The following FNDC1 variants were observed in gnomAD, a reference collection of about 807,000 sequenced individuals.
FNDC1 encodes fibronectin type III domain containing 1.
A neutral mutation model predicts 168.0 loss-of-function variants in FNDC1; 96 were observed. That is an observed-to-expected ratio of 0.57 (90% CI 0.48 to 0.68). The LOEUF (loss-of-function observed/expected upper bound fraction) is 0.68. Among genes scored for constraint, FNDC1 ranks in the 30% least tolerant of loss-of-function variants. The pLI is 0.00. For missense variants in FNDC1, 2,587 were observed against 2,482.1 expected (o/e 1.04, Z -0.90); for synonymous variants, 1,099 against 1,025.9 (o/e 1.07, Z -1.36).
Position 159,232,435 on chromosome 6 carries a change from C to T in FNDC1, c.1923C>T (p.Asp641=). ...HRPSLPASLN[D]NDLVDSDEDE... ...CTTCCCTGCCTGCCAGCTTGAATGA[C>T]AACGACTTGGTGGACTCAGACGAAG... Residue 641 remains aspartate (D), a synonymous_variant, in exon 11 of 23, where the codon GAC becomes GAT. Coordinates refer to ENST00000297267, the MANE Select transcript of FNDC1 (RefSeq NM_032532.3). This position sits in a 1 kb window ranked among gnomAD's most constrained non-coding sequence, Gnocchi z 4.9. The T allele has an allele frequency of 3.1e-6, 5 of 1,611,922 alleles. No homozygotes were observed. Among genetic ancestry groups the T allele is most frequent in the Non-Finnish European group, 4.2e-6 (5 of 1,178,538 alleles).
At chr6:159,230,072 G>T in intron 10 of FNDC1, 69 bp downstream of exon 10, 1 of 1,445,520 alleles carries the variant, frequency 6.9e-7, no homozygotes, top group South Asian at 1.4e-5. Context: ...GTGTTCCTTT[G>T]AATCATGCTC....
intron 1 of FNDC1, among the ~76,000 whole-genome samples, chr6:159,180,791 G>A (rs1414943392): frequency 3.3e-5 from 5 of 152,068 alleles, no homozygotes; most frequent in Non-Finnish European, 7.4e-5. Context: ...CATTATCCAA[G>A]TCCCTGTAAA....
intron 1 of FNDC1, among the ~76,000 whole-genome samples, chr6:159,174,418 G>A (rs567664662): frequency 6.6e-6 from 1 of 152,266 alleles, no homozygotes; most frequent in African/African-American, 2.4e-5. Flanking sequence ...GGCCCGGCCT[G>A]GGCAGCGCTT....
intron 9 of FNDC1, among the ~76,000 whole-genome samples, chr6:159,227,318 A>T (rs1437575966): frequency 6.6e-6 from 1 of 152,238 alleles, no homozygotes; most frequent in Non-Finnish European, 1.5e-5. Flanking sequence ...GTAGGAAGGA[A>T]TGGAGGTTTT....
chr6:159,253,439 G>A (rs1433337905), intron 17 of FNDC1, among the ~76,000 whole-genome samples: 1 of 152,140 alleles, frequency 6.6e-6, no homozygotes, highest in Non-Finnish European at 1.5e-5. Flanking sequence ...CCCCTGCAGG[G>A]CATTTGAATC....
Position 159,249,192 on chromosome 6 carries a change from A to G in FNDC1, c.4834+10A>G. The G allele has an allele frequency of 1.2e-6, 2 of 1,605,810 alleles. No individual in the cohort carries two copies. The highest frequency in any genetic ancestry group is 8.5e-7 in the Non-Finnish European group (1 of 1,176,620). On this transcript the variant is annotated intron_variant, in intron 16 of 22. Coordinates refer to ENST00000297267, the MANE Select transcript of FNDC1 (RefSeq NM_032532.3). Reference sequence around the variant, plus strand: ...AGGAAACGATTTGTTGGTAAATATAATGTCCTTAATCAGAGAAACATGGGT... The same window carrying G: ...AGGAAACGATTTGTTGGTAAATATAGTGTCCTTAATCAGAGAAACATGGGT...
chr6:159,268,131 G>T (rs1368753536), intron 22 of FNDC1, among the ~76,000 whole-genome samples: 1 of 152,044 alleles, frequency 6.6e-6, no homozygotes, highest in African/African-American at 2.4e-5. Context: ...TCAAGGAGGT[G>T]GGGAACGGCA....
chr6:159,194,589 C>T (rs1168333808), intron 1 of FNDC1, among the ~76,000 whole-genome samples: 2 of 152,232 alleles, frequency 1.3e-5, no homozygotes, highest in East Asian at 1.9e-4. Context: ...CAACAGAGCC[C>T]GAAGCCACAT....
intron 1 of FNDC1, among the ~76,000 whole-genome samples, chr6:159,191,818 A>G (rs907662516): frequency 6.6e-6 from 1 of 152,234 alleles, no homozygotes; most frequent in Non-Finnish European, 1.5e-5. Flanking sequence ...ATTCAAGGGA[A>G]TTATGCCTGA....
chr6:159,252,995 A>T (rs1371609240), intron 17 of FNDC1, among the ~76,000 whole-genome samples: 1 of 152,156 alleles, frequency 6.6e-6, no homozygotes, highest in Non-Finnish European at 1.5e-5. Context: ...CTGAGACTTA[A>T]TTTAGATGTG....
intron 13 of FNDC1, among the ~76,000 whole-genome samples, 155 bp from the exon 14 acceptor site, chr6:159,239,362 G>A (rs369769112): frequency 4.6e-5 from 7 of 152,158 alleles, no homozygotes; most frequent in African/African-American, 9.7e-5. Context: ...TCTCAGGATC[G>A]TGGAGCATAC....
chr6:159,231,874 T>C lies in FNDC1; in HGVS notation c.1370-8T>C. On this transcript the variant is annotated splice_region_variant and splice_polypyrimidine_tract_variant and intron_variant, in intron 10 of 22. Transcript: ENST00000297267. ...CTTTGACAGGCAATTCTTTAAAATC[T>C]GTTGCAGCCAGTAAGGCGGATGTTG... is the stretch of plus-strand genomic sequence containing the variant. 1 of 1,573,456 alleles carries C rather than the reference T, an allele frequency of 6.4e-7. No individual in the cohort carries two copies. Among genetic ancestry groups the C allele is most frequent in the Non-Finnish European group, 8.6e-7 (1 of 1,165,312 alleles).
chr6:159,270,286 G>A (rs533812874), intron 22 of FNDC1, among the ~76,000 whole-genome samples: 63 of 152,248 alleles, frequency 4.1e-4, no homozygotes, highest in African/African-American at 1.4e-3. Flanking sequence ...CCAAAATAAA[G>A]AAAAGAAATA....
rs1475634893 is a variant in FNDC1, at chr6:159,225,638, G to A, written c.988G>A (p.Val330Met). The change falls in exon 8 of 23, where the codon GTG (valine) becomes ATG (methionine). Residue 330 changes from valine to methionine, a missense_variant. Coordinates refer to ENST00000297267, the MANE Select transcript of FNDC1 (RefSeq NM_032532.3). ...GATTGAGAACCTGATTCCAGACACTGTGTATGAATTTGCAGTCCGTATTTC... is the reference window on the plus strand; with the variant it reads ...GATTGAGAACCTGATTCCAGACACTATGTATGAATTTGCAGTCCGTATTTC... Reference protein sequence around the residue: ...VLIENLIPDTVYEFAVRISQG... With the variant: ...VLIENLIPDTMYEFAVRISQG... The A allele has an allele frequency of 6.2e-7, 1 of 1,613,872 alleles. No homozygotes were observed. Among genetic ancestry groups the A allele is most frequent in the East Asian group, 2.2e-5 (1 of 44,890 alleles).
chr6:159,223,359 T>C (rs976859516), intron 6 of FNDC1, among the ~76,000 whole-genome samples, 169 bp from the exon 7 acceptor site: 4 of 152,222 alleles, frequency 2.6e-5, no homozygotes, highest in Non-Finnish European at 4.4e-5. Context: ...TTTTCTACAC[T>C]GACCAATCCA....
Position 159,214,952 on chromosome 6 carries a change from A to G in FNDC1, c.468A>G (p.Glu156=), listed in dbSNP as rs774141497. 3.7e-6 allele frequency: 6 copies of G among 1,613,790 alleles called. No homozygotes were observed. In the Admixed American group the frequency reaches 5.0e-5, roughly 13 times the overall value. Residue 156 remains glutamate, a synonymous_variant, in exon 5 of 23, where the codon GAA becomes GAG. Transcript: ENST00000297267. ...GPFNETVTEK[E]VPNKPLRVRV... Reference sequence around the variant, plus strand: ...TGTCCTGCCCTCTTTAAGAAAAGGAAGTGCCCAACAAGCCCTTGCGTGTGC... The same window carrying G: ...TGTCCTGCCCTCTTTAAGAAAAGGAGGTGCCCAACAAGCCCTTGCGTGTGC...
intron 22 of FNDC1, among the ~76,000 whole-genome samples, chr6:159,269,324 A>ACGAT: frequency 2.5e-5 from 1 of 40,496 alleles, no homozygotes; most frequent in African/African-American, 6.4e-5. Context: ...TATTTATCTA[A>ACGAT]CTATCTATCT....
At position 159,251,530 on chromosome 6, in the gene FNDC1, C is replaced by G. The variant is rs1156838755; in HGVS notation, c.5063C>G (p.Thr1688Arg). 6.2e-7 allele frequency: 1 copy of G among 1,612,352 alleles called. No homozygotes were observed. The highest frequency in any genetic ancestry group is 1.7e-5 in the Admixed American group (1 of 59,884). Residue 1688 changes from threonine (T) to arginine (R), a missense_variant and splice_region_variant, in exon 17 of 23, where the codon ACA (threonine) becomes AGA (arginine). By Grantham distance (71) the Thr-to-Arg change is moderately conservative. Transcript: ENST00000297267. ...WDKATPGDVVTGYLVYSASYE... is the reference protein window; with the variant it reads ...WDKATPGDVVRGYLVYSASYE... ...AAAGCCACCCCAGGAGATGTGGTCA[C>G]AGGTGTGTCCTAAGCAGAAATCAGA...
In FNDC1 at chr6:159,226,420, C is replaced by G. The variant is rs547087259; in HGVS notation, c.1073-53C>G. On this transcript the variant is annotated intron_variant, in intron 8 of 22. Transcript: ENST00000297267. ...CCTAGAGACCATGTGCTATTTACAT[C>G]TAGAATGTCCGGTAAGGCATTTAAA... The G allele has an allele frequency of 3.4e-4, 473 of 1,395,958 alleles. No individual in the cohort carries two copies. In the African/African-American group the frequency reaches 5.9e-3, roughly 17 times the overall value. The allele number at this position is 1,395,958 out of a possible 1,614,324, so 86.5% of individuals were successfully genotyped here. A position where few individuals can be genotyped will look rare whatever the true frequency, so the allele number is the denominator to read the frequency against.
Sources: gnomAD v4.1 joint callset for allele counts (sites outside exome capture counted in the v4.1 genomes callset) on GRCh38, gnomAD v4.1.1 for gene constraint, Gnocchi (gnomAD v3.1) non-coding constraint, MANE v1.5 for transcripts, NCBI Gene and HGNC (gene_info 2026-07-23, HGNC 2026-07-21) for gene names.